DRD3: variants seen among roughly 807,000 people sequenced by gnomAD.
The protein encoded by DRD3 is D(3) dopamine receptor.
In DRD3, 19 loss-of-function variants were observed where a neutral mutation model predicts 36.3. That is an observed-to-expected ratio of 0.52 (90% CI 0.36 to 0.77). The LOEUF (loss-of-function observed/expected upper bound fraction) is 0.77, where lower values mean the gene tolerates loss of function less well. Among genes scored for constraint, DRD3 ranks in the 30% least tolerant of loss-of-function variants. The pLI, the probability that DRD3 is intolerant of heterozygous loss-of-function variation, is 0.00. For missense variants in DRD3, 465 were observed against 505.3 expected (o/e 0.92, Z 0.77); for synonymous variants, 195 against 203.7 (o/e 0.96, Z 0.36).
upstream of DRD3, among the ~76,000 whole-genome samples, chr3:114,181,546 G>A (rs945514372): frequency 1.3e-5 from 2 of 152,196 alleles, no homozygotes; most frequent in African/African-American, 4.8e-5. Context: ...GATGCCTACA[G>A]AAGAGATATG....
intron 2 of DRD3, among the ~76,000 whole-genome samples, chr3:114,166,141 A>G (rs1389586443): frequency 6.6e-6 from 1 of 151,732 alleles, no homozygotes; most frequent in African/African-American, 2.4e-5. Flanking sequence ...ACCTGCCACT[A>G]TGCCTGGCTA....
intron 1 of DRD3, among the ~76,000 whole-genome samples, chr3:114,194,174 G>C (rs1399418197): frequency 6.6e-6 from 1 of 152,210 alleles, no homozygotes; most frequent in Non-Finnish European, 1.5e-5. Context: ...GTAAGTCAGT[G>C]TTTTAGATTC....
intron 1 of DRD3, among the ~76,000 whole-genome samples, chr3:114,176,967 G>C (rs189818423): frequency 6.6e-6 from 1 of 152,260 alleles, no homozygotes; most frequent in African/African-American, 2.4e-5. Flanking sequence ...TAAATATCTT[G>C]CTGAGATCAC....
chr3:114,176,743 A>G (rs1436532626), intron 1 of DRD3, among the ~76,000 whole-genome samples: 1 of 152,178 alleles, frequency 6.6e-6, no homozygotes, highest in African/African-American at 2.4e-5. Flanking sequence ...TGCTACATCT[A>G]ATCTTTTACT....
At chr3:114,175,779 G>A (rs557965385) in intron 1 of DRD3, 23 of 152,326 alleles carry the variant, frequency 1.5e-4, no homozygotes, top group African/African-American at 5.5e-4. Context: ...TTAGGTAGCT[G>A]TCAAACCTCT....
intron 3 of DRD3, among the ~76,000 whole-genome samples, chr3:114,151,418 C>T (rs773139970): frequency 6.8e-4 from 104 of 152,270 alleles, no homozygotes; most frequent in Non-Finnish European, 4.9e-4. Flanking sequence ...ACAACAGGCT[C>T]TGTAGTTTAC....
intron 1 of DRD3, among the ~76,000 whole-genome samples, chr3:114,184,709 C>T (rs1208406510): frequency 6.6e-6 from 1 of 151,350 alleles, no homozygotes; most frequent in Non-Finnish European, 1.5e-5. Context: ...ACTACAGGTG[C>T]ATGTCACCAT....
intron 1 of DRD3, among the ~76,000 whole-genome samples, chr3:114,197,505 A>G (rs76457637): frequency 0.056 from 8,481 of 152,072 alleles, 271 homozygotes; most frequent in Middle Eastern, 0.078. Flanking sequence ...TTGTGTTTTG[A>G]TGTCTCATAT....
chr3:114,193,537 G>T (rs377226168), intron 1 of DRD3, among the ~76,000 whole-genome samples: 6 of 152,134 alleles, frequency 3.9e-5, no homozygotes, highest in Admixed American at 3.3e-4. Flanking sequence ...GTCAACTGGG[G>T]CTATACTGGA....
At chr3:114,174,614 C>A (rs1025113860) in intron 1 of DRD3, among the ~76,000 whole-genome samples, 112 of 150,642 alleles carry the variant, frequency 7.4e-4, no homozygotes, top group African/African-American at 1.4e-3. Flanking sequence ...TTTATAGCAG[C>A]AGGTGGGTTA....
intron 3 of DRD3, among the ~76,000 whole-genome samples, chr3:114,150,214 A>AG (rs2077604903): frequency 6.6e-6 from 1 of 152,220 alleles, no homozygotes; most frequent in Admixed American, 6.5e-5. Flanking sequence ...ACTCTTCAAT[A>AG]GTCAGAGACT....
intron 6 of DRD3, 49 bp downstream of exon 6, chr3:114,131,069 T>C (rs1445623061): frequency 6.4e-7 from 1 of 1,569,912 alleles, no homozygotes; most frequent in Non-Finnish European, 8.7e-7. Flanking sequence ...CCACTTAACT[T>C]AACACAACCT....
intron 5 of DRD3, among the ~76,000 whole-genome samples, chr3:114,135,052 C>G (rs1247176794): frequency 6.6e-6 from 1 of 152,156 alleles, no homozygotes; most frequent in Non-Finnish European, 1.5e-5. Context: ...GTTTGTACCC[C>G]TGAATCCACC....
chr3:114,161,207 G>A (rs1329822100), intron 2 of DRD3, among the ~76,000 whole-genome samples: 4 of 152,166 alleles, frequency 2.6e-5, no homozygotes, highest in East Asian at 1.9e-4. Flanking sequence ...TCACAATACC[G>A]CTCCTGAACA....
At chr3:114,165,199 T>C (rs1434332611) in intron 2 of DRD3, among the ~76,000 whole-genome samples, 5 of 152,250 alleles carry the variant, frequency 3.3e-5, no homozygotes, top group Non-Finnish European at 5.9e-5. Context: ...CCAAAATTCC[T>C]ATAATTTCAA....
intron 3 of DRD3, among the ~76,000 whole-genome samples, chr3:114,147,903 T>C (rs189371818): frequency 1.3e-5 from 2 of 152,142 alleles, no homozygotes; most frequent in African/African-American, 4.8e-5. Context: ...CCTCCCAAAG[T>C]GTTGGGATTA....
intron 4 of DRD3, among the ~76,000 whole-genome samples, chr3:114,142,096 A>G (rs1267757865): frequency 1.3e-5 from 2 of 150,270 alleles, no homozygotes; most frequent in Admixed American, 6.6e-5. Context: ...AATGGCTCAT[A>G]GGCTCTGTGT....
intron 2 of DRD3, among the ~76,000 whole-genome samples, chr3:114,169,915 C>G (rs557791837): frequency 6.6e-6 from 1 of 152,242 alleles, no homozygotes; most frequent in Admixed American, 6.5e-5. Flanking sequence ...GTTACAGACA[C>G]CAAAAGCCTG....
At chr3:114,161,535 G>T (rs1231116712) in intron 2 of DRD3, among the ~76,000 whole-genome samples, 2 of 152,038 alleles carry the variant, frequency 1.3e-5, no homozygotes, top group African/African-American at 4.8e-5. Flanking sequence ...AGACTGTTTT[G>T]AGAAACCCTG....
Sources: allele counts gnomAD v4.1 joint callset (sites outside exome capture counted in the v4.1 genomes callset), GRCh38; gene constraint gnomAD v4.1.1; transcripts MANE v1.5; gene names NCBI Gene and HGNC (gene_info 2026-07-23, HGNC 2026-07-21).